The following PCDHGC3 variants were observed in gnomAD, a reference collection of about 807,000 sequenced individuals.
The protein encoded by PCDHGC3 is protocadherin gamma-C3.
Under a neutral mutation model 59.2 loss-of-function variants are expected in PCDHGC3, and 26 were observed. The ratio of observed to expected loss-of-function variants is 0.44; its 90% CI spans 0.32 to 0.61. The LOEUF is 0.61. PCDHGC3 is among the 20% of genes least tolerant of loss of function. The probability of loss-of-function intolerance (pLI) is 0.05; values close to 1 mark genes in which losing one functional copy is unlikely to be tolerated. For missense variants in PCDHGC3, 1,080 were observed against 1,221.8 expected (o/e 0.88, Z 1.73); for synonymous variants, 487 against 519.7 (o/e 0.94, Z 0.86).
Position 141,478,134 on chromosome 5 carries a change from C to A in PCDHGC3, c.2018C>A (p.Ala673Asp), listed in dbSNP as rs2099431418. Residue 673 changes from alanine to aspartate, a missense_variant, in exon 1 of 4, where the codon GCC (alanine) becomes GAC (aspartate). Transcript: ENST00000308177. ...TCAGTAACCGAGGACTCTCCTGAAG[C>A]CCGAGCCGAGTTCCCCTCTGGCTCT... ...TVSVTEDSPE[A>D]RAEFPSGSAP... 1 of 1,614,074 alleles carries A rather than the reference C, an allele frequency of 6.2e-7. No homozygotes were observed. Among genetic ancestry groups the A allele is most frequent in the African/African-American group, 1.3e-5 (1 of 75,060 alleles).
chr5:141,485,986 G>T lies in PCDHGC3; in HGVS notation c.2430+7440G>T, dbSNP rs2099622467. The T allele has an allele frequency of 1.2e-6, 2 of 1,614,084 alleles. No homozygotes were observed. Among genetic ancestry groups the T allele is most frequent in the African/African-American group, 1.3e-5 (1 of 74,936 alleles). On this transcript the variant is annotated intron_variant, in intron 1 of 3. Transcript: ENST00000308177. This position sits in a 1 kb window ranked among gnomAD's most constrained non-coding sequence, Gnocchi z 5.7. ...AGCTCAATGCCTCAGACCCGGACCT[G>T]GGTCCCAGTGGTAACGTCACCTTTT...
At position 141,490,742 on chromosome 5, in the gene PCDHGC3, C is replaced by A. The variant is rs1281337347; in HGVS notation, c.2431-4065C>A. 1.2e-6 allele frequency: 2 copies of A among 1,614,062 alleles called. No homozygotes were observed. Among genetic ancestry groups the A allele is most frequent in the Non-Finnish European group, 1.7e-6 (2 of 1,180,022 alleles). On this transcript the variant is annotated intron_variant, in intron 1 of 3. Coordinates refer to ENST00000308177, the MANE Select transcript of PCDHGC3 (RefSeq NM_002588.4). This position sits in a 1 kb window ranked among gnomAD's most constrained non-coding sequence, Gnocchi z 5.4. ...ATTGTAGGAAATCAGGTTCAGGGAGCCCCAGCCTCCTCCTTTGTGTATGTC... is the reference window on the plus strand; with the variant it reads ...ATTGTAGGAAATCAGGTTCAGGGAGACCCAGCCTCCTCCTTTGTGTATGTC...
intron 3 of PCDHGC3, chr5:141,508,127 G>A (rs1220643878): frequency 6.6e-6 from 1 of 152,628 alleles, no homozygotes; most frequent in Non-Finnish European, 1.5e-5. Context: ...ACAGAGGGAG[G>A]TCAGGGAGCT....
rs549557253 is a variant in PCDHGC3 at position 141,503,310 on chromosome 5, T to C, written c.2490-2083T>C. 2.6e-5 allele frequency among the ~76,000 whole-genome samples: 4 copies of C among 152,176 alleles called. No homozygotes were observed. The East Asian group carries it at 7.7e-4, about 29-fold the overall frequency. On this transcript the variant is annotated intron_variant, in intron 2 of 3. Coordinates refer to ENST00000308177, the MANE Select transcript of PCDHGC3 (RefSeq NM_002588.4). ...TACATAGAAATTGCTCAAGAAAGAA[T>C]TGTTGGAGGGGCGCGGTGGCTCACG...
chr5:141,492,050 C>CT, intron 1 of PCDHGC3: 1 of 501,102 alleles, frequency 2.0e-6, no homozygotes, highest in Non-Finnish European at 3.5e-6. Flanking sequence ...AGATCCACCC[C>CT]TGCAGCCAGC....
In PCDHGC3 at chr5:141,503,243, C is replaced by T. The variant is rs146741382; in HGVS notation, c.2490-2150C>T. Among the ~76,000 whole-genome samples the T allele has an allele frequency of 3.1e-4, 47 of 152,198 alleles. No individual in the cohort carries two copies. The East Asian group carries it at 8.9e-3, about 29-fold the overall frequency. ...CACCGTAAAGATGGACAGTTTCTAT[C>T]ATACTCACAGCCACAACCCCAGCAC... On this transcript the variant is annotated intron_variant, in intron 2 of 3. Coordinates refer to ENST00000308177, the MANE Select transcript of PCDHGC3 (RefSeq NM_002588.4).
chr5:141,496,589 G>A (rs914585858), intron 2 of PCDHGC3, among the ~76,000 whole-genome samples: 7 of 152,124 alleles, frequency 4.6e-5, no homozygotes, highest in Admixed American at 6.5e-5. Flanking sequence ...AACGCAAAGC[G>A]CTTCTTAGAA....
intron 1 of PCDHGC3, 147 bp downstream of exon 1, chr5:141,478,693 G>A: frequency 6.4e-7 from 1 of 1,550,764 alleles, no homozygotes; most frequent in Non-Finnish European, 8.7e-7. Context: ...CTAGATCAAA[G>A]TTAGTGCCTT....
Position 141,485,633 on chromosome 5 carries a change from T to C in PCDHGC3, c.2430+7087T>C. 2 of 1,611,808 alleles carry C rather than the reference T, an allele frequency of 1.2e-6. No homozygotes were observed. Among genetic ancestry groups the C allele is most frequent in the South Asian group, 1.1e-5 (1 of 90,962 alleles). On this transcript the variant is annotated intron_variant, in intron 1 of 3. Coordinates refer to ENST00000308177, the MANE Select transcript of PCDHGC3 (RefSeq NM_002588.4). The surrounding 1 kb of genome is among the most constrained non-coding windows in gnomAD (Gnocchi z 5.7). Reference sequence around the variant, plus strand: ...AGCTCCTCCAGGACAGCGTTTCCCGTTGGAAAAGGCTCAGGATGCAGATGT... The same window carrying C: ...AGCTCCTCCAGGACAGCGTTTCCCGCTGGAAAAGGCTCAGGATGCAGATGT...
Position 141,477,265 on chromosome 5 carries a change from G to T in PCDHGC3, c.1149G>T (p.Glu383Asp). Residue 383 changes from glutamate to aspartate, a missense_variant, in exon 1 of 4, where the codon GAG becomes GAT. Physicochemically the swap from Glu to Asp is conservative, Grantham distance 45. Coordinates refer to ENST00000308177, the MANE Select transcript of PCDHGC3 (RefSeq NM_002588.4). The surrounding 1 kb of genome is among the most constrained non-coding windows in gnomAD (Gnocchi z 4.9). Reference protein sequence around the residue: ...LLSVTDLDAGENGLVTCEVPP... With the variant: ...LLSVTDLDAGDNGLVTCEVPP... ...GTGTGACTGACCTGGATGCTGGCGA[G>T]AACGGGCTGGTGACCTGCGAAGTTC... 6.2e-7 allele frequency: 1 copy of T among 1,614,198 alleles called. No individual in the cohort carries two copies. Among genetic ancestry groups the T allele is most frequent in the Non-Finnish European group, 8.5e-7 (1 of 1,180,044 alleles).
chr5:141,496,959 G>C (rs1451127360), intron 2 of PCDHGC3, among the ~76,000 whole-genome samples: 2 of 151,894 alleles, frequency 1.3e-5, no homozygotes, highest in Non-Finnish European at 2.9e-5. Flanking sequence ...GCCAAGGTGG[G>C]TAGATCACTT....
At position 141,477,677 on chromosome 5, in the gene PCDHGC3, TC is replaced by T; in HGVS notation, c.1563del (p.Leu522Ter). On this transcript the variant is annotated frameshift_variant, in exon 1 of 4. Transcript: ENST00000308177. LOFTEE classifies it high-confidence loss of function. This position sits in a 1 kb window ranked among gnomAD's most constrained non-coding sequence, Gnocchi z 4.9. ...AAATCGTGACAATGGCATAGTGTCA[TC>T]CTTAGTGCCCCTAGACTATGAGGAT... Reference protein sequence around the residue: ...TINRDNGIVSSLVPLDYEDRR... With the variant: ...TINRDNGIVSXLVPLDYEDRR... 1 of 1,614,174 alleles carries T rather than the reference TC, an allele frequency of 6.2e-7. No homozygotes were observed. The highest frequency in any genetic ancestry group is 8.5e-7 in the Non-Finnish European group (1 of 1,180,038).
intron 2 of PCDHGC3, among the ~76,000 whole-genome samples, chr5:141,497,293 C>T (rs1270907262): frequency 6.6e-6 from 1 of 152,136 alleles, no homozygotes. Flanking sequence ...TACCTACCAC[C>T]ACCCCAGGCC....
At position 141,476,112 on chromosome 5, in the gene PCDHGC3, G is replaced by A. The variant is rs1201449171; in HGVS notation, c.-5G>A. 2.5e-6 allele frequency: 4 copies of A among 1,590,646 alleles called. No homozygotes were observed. Among genetic ancestry groups the A allele is most frequent in the Non-Finnish European group, 2.6e-6 (3 of 1,170,830 alleles). ...CCCCGCTGAGAGGAACTGCTTTTGA[G>A]TGAGATGGTCCCAGAGGCCTGGAGG... On this transcript the variant is annotated 5_prime_UTR_variant, in exon 1 of 4. The change creates a new upstream start codon in the 5' untranslated region. Transcript: ENST00000308177. The surrounding 1 kb of genome is among the most constrained non-coding windows in gnomAD (Gnocchi z 7.6).
chr5:141,490,476 G>A lies in PCDHGC3; in HGVS notation c.2431-4331G>A. 1 of 1,614,208 alleles carries A rather than the reference G, an allele frequency of 6.2e-7. No homozygotes were observed. The highest frequency in any genetic ancestry group is 8.5e-7 in the Non-Finnish European group (1 of 1,180,046). On this transcript the variant is annotated intron_variant, in intron 1 of 3. Transcript: ENST00000308177. The surrounding 1 kb of genome is among the most constrained non-coding windows in gnomAD (Gnocchi z 5.4). ...ACTCGCTGCTAACCAGCCAGCCTTT[G>A]GACCGGGAGGCCACATCCCACTATA...
At chr5:141,509,782 C>A (rs2099878218) in intron 3 of PCDHGC3, among the ~76,000 whole-genome samples, 1 of 152,144 alleles carries the variant, frequency 6.6e-6, no homozygotes, top group Admixed American at 6.5e-5. Context: ...TCCCCGAGAT[C>A]ATCATCTCCT....
Position 141,477,918 on chromosome 5 carries a change from G to A in PCDHGC3, c.1802G>A (p.Gly601Glu). 1 of 1,614,154 alleles carries A rather than the reference G, an allele frequency of 6.2e-7. No individual in the cohort carries two copies. Among genetic ancestry groups the A allele is most frequent in the Admixed American group, 1.7e-5 (1 of 60,026 alleles). ...GTGGTAGGCTGGGACGCGGATGCAG[G>A]GCACAATGCCTGGCTCTCCTACAGT... is the stretch of plus-strand genomic sequence containing the variant. ...SRVVGWDADA[G>E]HNAWLSYSLL... Residue 601 changes from glycine to glutamate, a missense_variant, in exon 1 of 4, where the codon GGG (glycine) becomes GAG (glutamate). Coordinates refer to ENST00000308177, the MANE Select transcript of PCDHGC3 (RefSeq NM_002588.4). The surrounding 1 kb of genome is among the most constrained non-coding windows in gnomAD (Gnocchi z 4.9).
rs1191643556 is a variant in PCDHGC3 at position 141,486,302 on chromosome 5, C to A, written c.2430+7756C>A. On this transcript the variant is annotated intron_variant, in intron 1 of 3. Transcript: ENST00000308177. The surrounding 1 kb of genome is among the most constrained non-coding windows in gnomAD (Gnocchi z 5.0). ...GGTGGCACTTATCAGTGTGCAGGAT[C>A]CAGACTCAGGGTCAAACGGAGATGT... The A allele has an allele frequency of 6.2e-7, 1 of 1,614,036 alleles. No individual in the cohort carries two copies. The highest frequency in any genetic ancestry group is 8.5e-7 in the Non-Finnish European group (1 of 1,179,994).
In PCDHGC3 at chr5:141,476,501, A is replaced by G; in HGVS notation, c.385A>G (p.Asn129Asp). 1.2e-6 allele frequency: 2 copies of G among 1,614,026 alleles called. No homozygotes were observed. Among genetic ancestry groups the G allele is most frequent in the Non-Finnish European group, 1.7e-6 (2 of 1,180,006 alleles). The change falls in exon 1 of 4, where the codon AAC becomes GAC. Residue 129 changes from asparagine (N) to aspartate (D), a missense_variant. Coordinates refer to ENST00000308177, the MANE Select transcript of PCDHGC3 (RefSeq NM_002588.4). The surrounding 1 kb of genome is among the most constrained non-coding windows in gnomAD (Gnocchi z 7.6). ...FSVEVVIQDI[N>D]DNNPAFPTQE... ...CGTGGAAGTGGTGATCCAGGACATCAACGACAACAATCCTGCTTTCCCTAC... is the reference window on the plus strand; with the variant it reads ...CGTGGAAGTGGTGATCCAGGACATCGACGACAACAATCCTGCTTTCCCTAC...
Sources: allele counts gnomAD v4.1 joint callset (sites outside exome capture counted in the v4.1 genomes callset), GRCh38; gene constraint gnomAD v4.1.1; non-coding constraint Gnocchi (gnomAD v3.1); transcripts MANE v1.5; gene names NCBI Gene and HGNC (gene_info 2026-07-23, HGNC 2026-07-21).